IPO9: variants seen among roughly 807,000 people sequenced by gnomAD.
IPO9 encodes the protein importin-9.
Under a neutral mutation model 128.6 loss-of-function variants are expected in IPO9, and 28 were observed. The ratio of observed to expected loss-of-function variants is 0.22; its 90% CI spans 0.16 to 0.30. IPO9 has a LOEUF of 0.30. Ranked by LOEUF, IPO9 falls within the 10% of genes least tolerant of loss-of-function variation. The pLI is 1.00. For synonymous variants in IPO9, 455 were observed against 475.8 expected (o/e 0.96, Z 0.57); for missense variants, 935 against 1,293.9 (o/e 0.72, Z 4.26).
At position 201,878,875 on chromosome 1, in the gene IPO9, A is replaced by G. The variant is rs1395557514; in HGVS notation, c.*2821A>G. ...TTGTCTCCTGTCTTTGGCCAAAGAG[A>G]ACTAGCTTCAGTCTGAAAAGGGCAG... On this transcript the variant is annotated 3_prime_UTR_variant, in exon 24 of 24. Coordinates refer to ENST00000361565, the MANE Select transcript of IPO9 (RefSeq NM_018085.5). 6.6e-6 allele frequency: 1 copy of G among 152,210 alleles called. No individual in the cohort carries two copies. Among genetic ancestry groups the G allele is most frequent in the East Asian group, 1.9e-4 (1 of 5,204 alleles). 9.4% of individuals were successfully genotyped at this position (152,210 alleles called of 1,614,324 possible).
rs982679427 is a variant in IPO9 at position 201,881,935 on chromosome 1, C to T, written c.*5881C>T. 9 of 152,150 alleles carry T rather than the reference C, an allele frequency of 5.9e-5. No homozygotes were observed. The highest frequency in any genetic ancestry group is 5.9e-4 in the Admixed American group (9 of 15,272). The allele number at this position is 152,150 out of a possible 1,614,324, so 9.4% of individuals were successfully genotyped here. On this transcript the variant is annotated 3_prime_UTR_variant, in exon 24 of 24. Coordinates refer to ENST00000361565, the MANE Select transcript of IPO9 (RefSeq NM_018085.5). ...TAAAGACTGACAAGTAAGGATTTTC[C>T]AAAAGTGAGAGCTGTGGAATGAATT...
intron 1 of IPO9, among the ~76,000 whole-genome samples, chr1:201,838,585 A>G (rs547031000): frequency 1.3e-5 from 2 of 152,278 alleles, no homozygotes; most frequent in South Asian, 4.1e-4. Flanking sequence ...GCAAGTTTCA[A>G]GTGTTTGCTT....
In IPO9 at chr1:201,837,959, A is replaced by G. The variant is rs533740481; in HGVS notation, c.163+8587A>G. On this transcript the variant is annotated intron_variant, in intron 1 of 23. Coordinates refer to ENST00000361565, the MANE Select transcript of IPO9 (RefSeq NM_018085.5). ...GTGGCACATGCCTGTAATCCCAGCCACTCGGGAGGCTGAGGCAGGAGGATC... is the reference window on the plus strand; with the variant it reads ...GTGGCACATGCCTGTAATCCCAGCCGCTCGGGAGGCTGAGGCAGGAGGATC... 4.6e-5 allele frequency among the ~76,000 whole-genome samples: 7 copies of G among 151,974 alleles called. No individual in the cohort carries two copies. In the East Asian group the frequency reaches 7.7e-4, roughly 17 times the overall value.
Position 201,858,955 on chromosome 1 carries a change from T to C in IPO9, c.1429T>C (p.Phe477Leu), listed in dbSNP as rs1234139477. 1 of 1,612,234 alleles carries C rather than the reference T, an allele frequency of 6.2e-7. No homozygotes were observed. The highest frequency in any genetic ancestry group is 1.3e-5 in the African/African-American group (1 of 74,796). Residue 477 changes from phenylalanine (F) to leucine (L), a missense_variant, in exon 13 of 24, where the codon TTC (phenylalanine) becomes CTC (leucine). Transcript: ENST00000361565. Reference sequence around the variant, plus strand: ...CAGGATTCATTTTGACATGCATGGGTTCCTGACCAATGTCATCCTTGCAGA... The same window carrying C: ...CAGGATTCATTTTGACATGCATGGGCTCCTGACCAATGTCATCCTTGCAGA... Reference protein sequence around the residue: ...NGRIHFDMHGFLTNVILADLN... With the variant: ...NGRIHFDMHGLLTNVILADLN...
In IPO9 at chr1:201,845,230, G is replaced by A. The variant is rs2102873043; in HGVS notation, c.164-2049G>A. Among the ~76,000 whole-genome samples the A allele has an allele frequency of 1.3e-5, 2 of 152,242 alleles. 1 individual carries two copies. Among genetic ancestry groups the A allele is most frequent in the South Asian group, 4.1e-4 (2 of 4,822 alleles). ...GGGATTTCTCCATGTTGGTCAGGCT[G>A]GACTCGAACTCCAGACCTCAGGTGA... On this transcript the variant is annotated intron_variant, in intron 1 of 23. Coordinates refer to ENST00000361565, the MANE Select transcript of IPO9 (RefSeq NM_018085.5).
chr1:201,875,083 T>C, intron 22 of IPO9, 69 bp from the exon 23 acceptor site: 3 of 1,449,554 alleles, frequency 2.1e-6, no homozygotes, highest in Non-Finnish European at 1.9e-6. Context: ...CATGTGGTAG[T>C]ATATCACCAC....
chr1:201,848,312 C>T (rs1680156151), intron 3 of IPO9, 81 bp from the exon 4 acceptor site: 2 of 1,228,256 alleles, frequency 1.6e-6, no homozygotes, highest in South Asian at 1.2e-5. Context: ...ATTGTTTTTC[C>T]AACACAGTTC....
chr1:201,839,257 C>T (rs1246968739), intron 1 of IPO9, among the ~76,000 whole-genome samples: 1 of 152,062 alleles, frequency 6.6e-6, no homozygotes, highest in Non-Finnish European at 1.5e-5. Context: ...TGCTGTGTCA[C>T]CCAGGCTGGA....
chr1:201,840,732 T>C (rs1680020682), intron 1 of IPO9, among the ~76,000 whole-genome samples: 1 of 152,180 alleles, frequency 6.6e-6, no homozygotes, highest in Admixed American at 6.5e-5. Context: ...TTTGAACTGA[T>C]TTGGAAATCC....
rs72022508 is a variant in IPO9, at chr1:201,877,487, T to TCACACACACACACA, written c.*1446_*1459dup. Reference sequence around the variant, plus strand: ...CGTTGCATTCCAAGGCAAGACTCAATCACACACACACACACACACACACAC... The same window carrying TCACACACACACACA: ...CGTTGCATTCCAAGGCAAGACTCAATCACACACACACACACACACACACACACACACACACACAC... On this transcript the variant is annotated 3_prime_UTR_variant, in exon 24 of 24. Coordinates refer to ENST00000361565, the MANE Select transcript of IPO9 (RefSeq NM_018085.5). The TCACACACACACACA allele has an allele frequency of 6.0e-5, 9 of 149,998 alleles. No homozygotes were observed. Among genetic ancestry groups the TCACACACACACACA allele is most frequent in the African/African-American group, 2.2e-4 (9 of 40,710 alleles). The allele number at this position is 149,998 out of a possible 1,614,324, so 9.3% of individuals were successfully genotyped here.
intron 14 of IPO9, among the ~76,000 whole-genome samples, chr1:201,865,199 C>CTTTTT (rs201084995): frequency 1.7e-3 from 221 of 132,780 alleles, no homozygotes; most frequent in Non-Finnish European, 2.3e-3. Context: ...AACTATTTTT[C>CTTTTT]TTTTTTTTTT....
At chr1:201,862,110 T>C (rs1399148882) in intron 13 of IPO9, among the ~76,000 whole-genome samples, 1 of 152,174 alleles carries the variant, frequency 6.6e-6, no homozygotes, top group Non-Finnish European at 1.5e-5. Flanking sequence ...ATGGAATTAA[T>C]TGACAGATTT....
At chr1:201,860,284 C>T (rs1047484096) in intron 13 of IPO9, among the ~76,000 whole-genome samples, 4 of 152,186 alleles carry the variant, frequency 2.6e-5, no homozygotes, top group Admixed American at 6.5e-5. Context: ...TATCGGGTGT[C>T]TCAGTCCATC....
Position 201,853,530 on chromosome 1 carries a change from G to T in IPO9, c.690+433G>T, listed in dbSNP as rs1415829714. Among the ~76,000 whole-genome samples the T allele has an allele frequency of 2.0e-5, 3 of 150,698 alleles. No individual in the cohort carries two copies. The South Asian group carries it at 6.3e-4, about 32-fold the overall frequency. On this transcript the variant is annotated intron_variant, in intron 6 of 23. Coordinates refer to ENST00000361565, the MANE Select transcript of IPO9 (RefSeq NM_018085.5). ...TTATAAGCATGAACCACAACACTCAGCTATATTTGTATTTTTTTTATTTAT... is the reference window on the plus strand; with the variant it reads ...TTATAAGCATGAACCACAACACTCATCTATATTTGTATTTTTTTTATTTAT...
intron 16 of IPO9, 59 bp downstream of exon 16, chr1:201,868,855 A>G (rs1680601627): frequency 1.3e-6 from 2 of 1,515,736 alleles, no homozygotes; most frequent in Admixed American, 4.1e-5. Context: ...TGCCACCCAC[A>G]GATGCATCTA....
At chr1:201,860,565 A>G (rs946164308) in intron 13 of IPO9, among the ~76,000 whole-genome samples, 1 of 152,196 alleles carries the variant, frequency 6.6e-6, no homozygotes. Flanking sequence ...AGATTTTTCA[A>G]AAACTTTGGA....
intron 5 of IPO9, 66 bp from the exon 6 acceptor site, chr1:201,852,945 A>G: frequency 1.6e-6 from 2 of 1,252,128 alleles, no homozygotes; most frequent in Non-Finnish European, 2.3e-6. Flanking sequence ...TTCTAGTCTG[A>G]GATACACACA....
chr1:201,833,960 G>GT (rs1201100534), intron 1 of IPO9, among the ~76,000 whole-genome samples: 1 of 151,746 alleles, frequency 6.6e-6, no homozygotes, highest in East Asian at 1.9e-4. Flanking sequence ...GATTTTTTTA[G>GT]TTTTTTTCTG....
chr1:201,853,540 T>A (rs1308040287), intron 6 of IPO9, among the ~76,000 whole-genome samples: 1 of 151,300 alleles, frequency 6.6e-6, no homozygotes, highest in East Asian at 2.0e-4. Context: ...GCTATATTTG[T>A]ATTTTTTTTA....
Sources: gnomAD v4.1 joint callset for allele counts (sites outside exome capture counted in the v4.1 genomes callset) on GRCh38, gnomAD v4.1.1 for gene constraint, MANE v1.5 for transcripts, NCBI Gene and HGNC (gene_info 2026-07-23, HGNC 2026-07-21) for gene names.